The following SLC25A21 variants were observed in gnomAD, a reference collection of about 807,000 sequenced individuals.
SLC25A21 encodes the protein mitochondrial 2-oxodicarboxylate carrier.
A neutral mutation model predicts 43.8 loss-of-function variants in SLC25A21; 47 were observed. The ratio of observed to expected loss-of-function variants is 1.07; its 90% CI spans 0.85 to 1.37. The LOEUF (loss-of-function observed/expected upper bound fraction) is 1.37. Among genes scored for constraint, SLC25A21 ranks in the 40% most tolerant of loss-of-function variants. The pLI is 0.00. For synonymous variants in SLC25A21, 131 were observed against 121.3 expected (o/e 1.08, Z -0.52); for missense variants, 352 against 350.2 (o/e 1.00, Z -0.04).
chr14:37,037,689 T>C (rs950091124), intron 1 of SLC25A21, among the ~76,000 whole-genome samples: 9 of 152,208 alleles, frequency 5.9e-5, no homozygotes, highest in African/African-American at 2.4e-5. Flanking sequence ...CAGTATCTTA[T>C]TCTTTACATA....
At chr14:36,784,465 A>C (rs1887179761) in intron 3 of SLC25A21, among the ~76,000 whole-genome samples, 1 of 152,162 alleles carries the variant, frequency 6.6e-6, no homozygotes, top group African/African-American at 2.4e-5. Context: ...TAAGCAGCAC[A>C]TAGTCTTTTC....
chr14:36,761,283 G>A (rs1055642117), intron 3 of SLC25A21, among the ~76,000 whole-genome samples: 4 of 152,224 alleles, frequency 2.6e-5, no homozygotes, highest in Admixed American at 6.5e-5. Flanking sequence ...TCCTCTTGAG[G>A]ACTTATCAGA....
intron 2 of SLC25A21, among the ~76,000 whole-genome samples, chr14:36,864,611 T>C (rs1392287726): frequency 1.3e-5 from 2 of 152,222 alleles, no homozygotes; most frequent in African/African-American, 4.8e-5. Context: ...GAAGTTGCAC[T>C]CACAATATAT....
intron 2 of SLC25A21, among the ~76,000 whole-genome samples, chr14:36,833,656 T>A (rs1889110719): frequency 6.6e-6 from 1 of 152,176 alleles, no homozygotes; most frequent in Admixed American, 6.5e-5. Flanking sequence ...CCAGACCAAT[T>A]TAATTTCCTC....
intron 7 of SLC25A21, among the ~76,000 whole-genome samples, chr14:36,693,924 T>C (rs1882901073): frequency 6.6e-6 from 1 of 152,166 alleles, no homozygotes; most frequent in South Asian, 2.1e-4. Context: ...TAAAAAATTA[T>C]TATTATACTT....
chr14:36,992,585 G>A (rs1255732748), intron 1 of SLC25A21, among the ~76,000 whole-genome samples: 1 of 152,096 alleles, frequency 6.6e-6, no homozygotes, highest in Non-Finnish European at 1.5e-5. Flanking sequence ...AGCCCCAAAT[G>A]GCTTTTCTGA....
intron 1 of SLC25A21, among the ~76,000 whole-genome samples, chr14:36,962,883 A>C (rs1959527791): frequency 1.3e-5 from 2 of 152,186 alleles, no homozygotes; most frequent in Admixed American, 1.3e-4. Flanking sequence ...AATAATTTAT[A>C]ATTTTACTTC....
chr14:36,813,436 T>TG (rs1888342632), intron 3 of SLC25A21, among the ~76,000 whole-genome samples: 1 of 152,010 alleles, frequency 6.6e-6, no homozygotes, highest in African/African-American at 2.4e-5. Context: ...CCTAACTCAC[T>TG]GCAACTTCCA....
chr14:37,071,677 T>C (rs1016454034), intron 1 of SLC25A21, among the ~76,000 whole-genome samples: 7 of 152,360 alleles, frequency 4.6e-5, no homozygotes, highest in Non-Finnish European at 8.8e-5. Flanking sequence ...AGATACATTC[T>C]GGTTACTCAA....
At chr14:36,939,651 G>A (rs1043484610) in intron 1 of SLC25A21, among the ~76,000 whole-genome samples, 18 of 151,796 alleles carry the variant, frequency 1.2e-4, no homozygotes, top group Non-Finnish European at 1.5e-5. Context: ...TTTTATATCA[G>A]AAAGACCAAT....
chr14:36,859,626 T>C (rs1036579745), intron 2 of SLC25A21, among the ~76,000 whole-genome samples: 1 of 152,130 alleles, frequency 6.6e-6, no homozygotes, highest in Admixed American at 6.6e-5. Flanking sequence ...TCAGAATAAG[T>C]ACAGGGGCAG....
chr14:36,977,619 T>C (rs1003602321), intron 1 of SLC25A21, among the ~76,000 whole-genome samples: 3 of 152,172 alleles, frequency 2.0e-5, no homozygotes, highest in African/African-American at 7.2e-5. Flanking sequence ...CACCACACCA[T>C]AATTTTCTAC....
At chr14:36,982,886 C>G (rs1594736566) in intron 1 of SLC25A21, among the ~76,000 whole-genome samples, 1 of 151,986 alleles carries the variant, frequency 6.6e-6, no homozygotes, top group Non-Finnish European at 1.5e-5. Context: ...AATAATATCC[C>G]TCTTCAAGTG....
At chr14:37,154,622 GA>G (rs1963815056) in intron 1 of SLC25A21, among the ~76,000 whole-genome samples, 2 of 149,856 alleles carry the variant, frequency 1.3e-5, no homozygotes, top group African/African-American at 5.0e-5. Context: ...AGATATGAGG[GA>G]AAATTTTACT....
intron 1 of SLC25A21, among the ~76,000 whole-genome samples, chr14:37,066,754 A>G (rs952328976): frequency 5.9e-5 from 9 of 152,178 alleles, no homozygotes; most frequent in Non-Finnish European, 2.9e-5. Flanking sequence ...TTATATACAC[A>G]TGGAGAGAGA....
At chr14:37,068,566 A>G (rs1962107806) in intron 1 of SLC25A21, among the ~76,000 whole-genome samples, 1 of 152,234 alleles carries the variant, frequency 6.6e-6, no homozygotes, top group Non-Finnish European at 1.5e-5. Flanking sequence ...CCCATTTAGT[A>G]TCAAAATTTA....
At chr14:37,135,578 T>A (rs1477860023) in intron 1 of SLC25A21, among the ~76,000 whole-genome samples, 3 of 152,174 alleles carry the variant, frequency 2.0e-5, no homozygotes, top group Non-Finnish European at 4.4e-5. Flanking sequence ...CTTGGCAAAT[T>A]TACTTGACAT....
At chr14:37,057,672 G>A (rs17767749) in intron 1 of SLC25A21, among the ~76,000 whole-genome samples, 7,541 of 152,206 alleles carry the variant, frequency 0.05, 240 homozygotes, top group African/African-American at 0.085. Flanking sequence ...GAATTACAAT[G>A]TTGTCACTTT....
intron 4 of SLC25A21, among the ~76,000 whole-genome samples, chr14:36,733,795 A>G (rs996712313): frequency 2.0e-5 from 3 of 152,154 alleles, no homozygotes; most frequent in African/African-American, 7.2e-5. Flanking sequence ...CAGAGTCGCT[A>G]TGATCAGGAC....
Sources: allele counts gnomAD v4.1 joint callset (sites outside exome capture counted in the v4.1 genomes callset), GRCh38; gene constraint gnomAD v4.1.1; transcripts MANE v1.5; gene names NCBI Gene and HGNC (gene_info 2026-07-23, HGNC 2026-07-21).